The following DNAJB13 variants were observed in gnomAD, a reference collection of about 807,000 sequenced individuals.
The protein encoded by DNAJB13 is DnaJ heat shock protein family (Hsp40) member B13.
DNAJB13 carries 22 observed loss-of-function variants against 35.6 expected under a neutral mutation model. The observed-to-expected ratio is 0.62, with a 90% CI of 0.44 to 0.88. The LOEUF is 0.88. DNAJB13 is among the 40% of genes least tolerant of loss of function. DNAJB13 has a pLI of 0.00. For missense variants in DNAJB13, 370 were observed against 384.3 expected (o/e 0.96, Z 0.31); for synonymous variants, 136 against 144.2 (o/e 0.94, Z 0.41).
chr11:73,958,077 G>T (rs1950809338), intron 1 of DNAJB13, among the ~76,000 whole-genome samples: 1 of 152,210 alleles, frequency 6.6e-6, no homozygotes, highest in African/African-American at 2.4e-5. Flanking sequence ...GGGCAGCTCA[G>T]GGGCAGTTGC....
chr11:73,962,667 A>G (rs1950967009), intron 3 of DNAJB13, among the ~76,000 whole-genome samples: 2 of 152,134 alleles, frequency 1.3e-5, no homozygotes. Flanking sequence ...GTTTTCTCCT[A>G]CACCTCTTGC....
chr11:73,952,804 T>C (rs1050893202), intron 1 of DNAJB13, among the ~76,000 whole-genome samples: 5 of 152,224 alleles, frequency 3.3e-5, no homozygotes, highest in Admixed American at 6.5e-5. Flanking sequence ...CTTAACCTCT[T>C]TGAGCCGAAG....
chr11:73,966,220 C>T lies in DNAJB13; in HGVS notation c.575C>T (p.Thr192Ile), dbSNP rs1413483664. The change falls in exon 5 of 8, where the codon ACA becomes ATA. Residue 192 changes from threonine to isoleucine, a missense_variant. By Grantham distance (89) the Thr-to-Ile change is moderately conservative. Transcript: ENST00000339764. The part of the protein sequence containing the change: ...IDVKPGWRQG[T>I]RITFEKEGDQ... Reference sequence around the variant, plus strand: ...GTGAAGCCCGGTTGGAGGCAGGGCACACGCATCACCTTTGAGAAGGAAGGG... The same window carrying T: ...GTGAAGCCCGGTTGGAGGCAGGGCATACGCATCACCTTTGAGAAGGAAGGG... The T allele has an allele frequency of 1.2e-6, 2 of 1,613,546 alleles. No homozygotes were observed.
chr11:73,967,884 C>G, intron 5 of DNAJB13: 1 of 211,506 alleles, frequency 4.7e-6, no homozygotes, highest in Middle Eastern at 1.6e-3. Context: ...ATGTCTTGAG[C>G]GTGCTGAGGA....
chr11:73,969,878 G>A, intron 7 of DNAJB13, 83 bp from the exon 8 acceptor site: 1 of 1,484,460 alleles, frequency 6.7e-7, no homozygotes. Flanking sequence ...CTGGGGTTAT[G>A]TGAGTAGGGG....
chr11:73,959,532 G>T lies in DNAJB13; in HGVS notation c.211G>T (p.Gly71Cys), dbSNP rs1565171613. ...RGIYDKFGEE[G>C]LKGGIPLEFG... is the part of the protein sequence containing the mutation. Reference sequence around the variant, plus strand: ...CATCTACGACAAGTTTGGAGAAGAGGGCCTGAAGGGTGGGATTCCTTTGGA... The same window carrying T: ...CATCTACGACAAGTTTGGAGAAGAGTGCCTGAAGGGTGGGATTCCTTTGGA... The change falls in exon 3 of 8, where the codon GGC becomes TGC. Residue 71 changes from glycine to cysteine, a missense_variant. By Grantham distance (159) the Gly-to-Cys change is radical. Coordinates refer to ENST00000339764, the MANE Select transcript of DNAJB13 (RefSeq NM_153614.4). 46 of 1,614,012 alleles carry T rather than the reference G, an allele frequency of 2.9e-5. No homozygotes were observed. The highest frequency in any genetic ancestry group is 3.7e-5 in the Non-Finnish European group (44 of 1,179,976).
At chr11:73,956,657 G>A (rs537173929) in intron 1 of DNAJB13, among the ~76,000 whole-genome samples, 18 of 152,142 alleles carry the variant, frequency 1.2e-4, no homozygotes, top group African/African-American at 3.1e-4. Flanking sequence ...ACAAAAATTA[G>A]CCAGGCGTGG....
At chr11:73,956,355 G>A (rs1172797862) in intron 1 of DNAJB13, among the ~76,000 whole-genome samples, 1 of 152,212 alleles carries the variant, frequency 6.6e-6, no homozygotes, top group Non-Finnish European at 1.5e-5. Flanking sequence ...GGTGAGTCAT[G>A]CAGGAGAGGT....
chr11:73,954,032 A>ATTATTAT (rs1565166830), intron 1 of DNAJB13, among the ~76,000 whole-genome samples: 76 of 145,280 alleles, frequency 5.2e-4, no homozygotes, highest in African/African-American at 1.9e-3. Context: ...AATAATAATA[A>ATTATTAT]TAATAATAAT....
chr11:73,964,824 C>CGA, intron 3 of DNAJB13, 54 bp from the exon 4 acceptor site: 1 of 1,545,206 alleles, frequency 6.5e-7, no homozygotes. Flanking sequence ...CGCGCGCGCG[C>CGA]ATGTCTGGGT....
At chr11:73,951,984 G>A (rs887953992) in intron 1 of DNAJB13, among the ~76,000 whole-genome samples, 12 of 152,090 alleles carry the variant, frequency 7.9e-5, no homozygotes, top group Non-Finnish European at 1.0e-4. Context: ...TTTATTGAGC[G>A]TCTACCACAA....
intron 5 of DNAJB13, among the ~76,000 whole-genome samples, chr11:73,966,935 C>T (rs1951133246): frequency 6.8e-6 from 1 of 148,062 alleles, no homozygotes; most frequent in Non-Finnish European, 1.5e-5. Flanking sequence ...TCACTGCAAA[C>T]TCCGCCTCCC....
chr11:73,966,290 C>T (rs367920322), intron 5 of DNAJB13, 39 bp downstream of exon 5: 1 of 1,575,014 alleles, frequency 6.3e-7, no homozygotes, highest in African/African-American at 1.3e-5. Flanking sequence ...AGTCACTGAG[C>T]TCAGGCGGTG....
At chr11:73,958,585 G>A (rs977431117) in intron 2 of DNAJB13, among the ~76,000 whole-genome samples, 165 bp downstream of exon 2, 6 of 152,202 alleles carry the variant, frequency 3.9e-5, no homozygotes, top group African/African-American at 1.4e-4. Context: ...TTTCTCAGTA[G>A]AAGCAAGCTG....
chr11:73,968,745 T>G (rs976646346), intron 6 of DNAJB13, among the ~76,000 whole-genome samples: 1 of 151,882 alleles, frequency 6.6e-6, no homozygotes, highest in East Asian at 1.9e-4. Flanking sequence ...CACTCCTGTC[T>G]AAACATCTTT....
chr11:73,962,476 G>T (rs1950960503), intron 3 of DNAJB13, among the ~76,000 whole-genome samples: 1 of 151,332 alleles, frequency 6.6e-6, no homozygotes, highest in Admixed American at 6.6e-5. Context: ...CGGATGGATG[G>T]CTGGGTAGGC....
chr11:73,955,879 T>C (rs1301576720), intron 1 of DNAJB13, among the ~76,000 whole-genome samples: 2 of 152,168 alleles, frequency 1.3e-5, no homozygotes, highest in Admixed American at 6.5e-5. Flanking sequence ...ACAATTGTCT[T>C]CAAGTCTCTG....
intron 3 of DNAJB13, among the ~76,000 whole-genome samples, chr11:73,962,369 G>T (rs1950953689): frequency 1.4e-5 from 2 of 138,928 alleles, no homozygotes; most frequent in Admixed American, 1.5e-4. Flanking sequence ...TGGATGAATG[G>T]ATGAGTGGGT....
At chr11:73,957,860 A>T (rs367572264) in intron 1 of DNAJB13, among the ~76,000 whole-genome samples, 1 of 152,122 alleles carries the variant, frequency 6.6e-6, no homozygotes, top group East Asian at 1.9e-4. Flanking sequence ...GTGAAGTATG[A>T]AGGGAAGGGA....
Sources: allele counts gnomAD v4.1 joint callset (sites outside exome capture counted in the v4.1 genomes callset), GRCh38; gene constraint gnomAD v4.1.1; transcripts MANE v1.5; gene names NCBI Gene and HGNC (gene_info 2026-07-23, HGNC 2026-07-21).